ENTREP2: variants seen among roughly 807,000 people sequenced by gnomAD.
ENTREP2 encodes protein ENTREP2.
the ENTREP2 span, among the ~76,000 whole-genome samples, chr15:29,348,125 A>G: frequency 3.9e-5 from 6 of 152,178 alleles, no homozygotes; most frequent in Non-Finnish European, 8.8e-5. Flanking sequence ...AAAAACATCA[A>G]CTTTTAAGTG....
the ENTREP2 span, among the ~76,000 whole-genome samples, chr15:29,209,338 C>A: frequency 9.9e-5 from 15 of 152,020 alleles, no homozygotes; most frequent in African/African-American, 3.6e-4. Context: ...CCCGTCTCTA[C>A]TAAAAATACA....
At chr15:29,510,847 A>T in the ENTREP2 span, among the ~76,000 whole-genome samples, 2 of 151,990 alleles carry the variant, frequency 1.3e-5, no homozygotes, top group East Asian at 3.9e-4. Flanking sequence ...ACACCATGGA[A>T]TACTATGCAG....
the ENTREP2 span, among the ~76,000 whole-genome samples, chr15:29,145,492 G>A: frequency 1.3e-5 from 2 of 151,826 alleles, no homozygotes; most frequent in African/African-American, 2.4e-5. Context: ...GTGTGGTGGC[G>A]GGCGCCTGTA....
At chr15:29,284,169 A>T in the ENTREP2 span, among the ~76,000 whole-genome samples, 1 of 152,226 alleles carries the variant, frequency 6.6e-6, no homozygotes, top group Non-Finnish European at 1.5e-5. Flanking sequence ...AAAATGCTGA[A>T]TTTAGACACA....
At chr15:29,129,729 C>G in the ENTREP2 span, among the ~76,000 whole-genome samples, 1 of 152,206 alleles carries the variant, frequency 6.6e-6, no homozygotes, top group African/African-American at 2.4e-5. Flanking sequence ...CTCCTCTGCT[C>G]TCTGCCCCAT....
chr15:29,564,718 C>G, the ENTREP2 span, among the ~76,000 whole-genome samples: 1 of 152,250 alleles, frequency 6.6e-6, no homozygotes, highest in South Asian at 2.1e-4. Context: ...TCAATAGTTT[C>G]TTTCATTTCC....
chr15:29,569,128 G>T, the ENTREP2 span, among the ~76,000 whole-genome samples: 1 of 152,160 alleles, frequency 6.6e-6, no homozygotes, highest in African/African-American at 2.4e-5. Flanking sequence ...ATAGAGAGGG[G>T]CATTTAAATC....
chr15:29,191,241 T>A, the ENTREP2 span, among the ~76,000 whole-genome samples: 1 of 152,076 alleles, frequency 6.6e-6, no homozygotes, highest in Non-Finnish European at 1.5e-5. Context: ...GTATCTATAA[T>A]TATGGGAAGG....
chr15:29,329,698 A>C, the ENTREP2 span, among the ~76,000 whole-genome samples: 751 of 152,346 alleles, frequency 4.9e-3, 7 homozygotes, highest in African/African-American at 0.017. Flanking sequence ...GGTGCCAGAA[A>C]GTAAGAACGT....
chr15:29,400,981 C>T, the ENTREP2 span, among the ~76,000 whole-genome samples: 1 of 152,226 alleles, frequency 6.6e-6, no homozygotes, highest in Non-Finnish European at 1.5e-5. Flanking sequence ...CTACGTGCTA[C>T]CTCTTGCCCT....
chr15:29,414,944 A>G, the ENTREP2 span, among the ~76,000 whole-genome samples: 1 of 152,206 alleles, frequency 6.6e-6, no homozygotes, highest in South Asian at 2.1e-4. Context: ...CCAAGACTAA[A>G]CCAGGAAGAA....
the ENTREP2 span, among the ~76,000 whole-genome samples, chr15:29,480,615 G>T: frequency 6.6e-6 from 1 of 152,094 alleles, no homozygotes; most frequent in African/African-American, 2.4e-5. Context: ...GGCAGCATGG[G>T]GCCCACTCTC....
the ENTREP2 span, among the ~76,000 whole-genome samples, chr15:29,618,728 G>T: frequency 7.0e-6 from 1 of 141,916 alleles, no homozygotes; most frequent in South Asian, 2.2e-4. Context: ...GATGGGTGGT[G>T]GCTGCCAGCA....
the ENTREP2 span, chr15:29,569,489 G>A: frequency 1.3e-5 from 2 of 152,174 alleles, no homozygotes; most frequent in African/African-American, 4.8e-5. Flanking sequence ...TCTGTAGATG[G>A]AAGTAAAACA....
chr15:29,410,569 C>A, the ENTREP2 span, among the ~76,000 whole-genome samples: 1 of 152,184 alleles, frequency 6.6e-6, no homozygotes, highest in African/African-American at 2.4e-5. Flanking sequence ...CACACTTGGA[C>A]TAGCTATCCT....
At chr15:29,536,490 C>A in the ENTREP2 span, among the ~76,000 whole-genome samples, 1 of 151,760 alleles carries the variant, frequency 6.6e-6, no homozygotes. Context: ...TGTAATCCCA[C>A]CTACTCAGGA....
At chr15:29,241,110 T>C in the ENTREP2 span, among the ~76,000 whole-genome samples, 2 of 152,228 alleles carry the variant, frequency 1.3e-5, no homozygotes, top group African/African-American at 4.8e-5. Context: ...AATGAAGATT[T>C]TGTTTGTTTT....
chr15:29,207,455 C>CGGG, the ENTREP2 span, among the ~76,000 whole-genome samples: 158 of 123,044 alleles, frequency 1.3e-3, no homozygotes, highest in African/African-American at 5.0e-3. Context: ...GGTTGGGGGG[C>CGGG]GGGGGGGGTG....
the ENTREP2 span, among the ~76,000 whole-genome samples, chr15:29,444,170 C>CACAGAAAGAAAGAAAG: frequency 4.2e-5 from 3 of 71,486 alleles, 1 homozygote; most frequent in Admixed American, 3.2e-4. Flanking sequence ...GAAAGACAGA[C>CACAGAAAGAAAGAAAG]AAAGAAAGAA....
Sources: gnomAD v4.1 joint callset for allele counts (sites outside exome capture counted in the v4.1 genomes callset) on GRCh38, gnomAD v4.1.1 for gene constraint, MANE v1.5 for transcripts, NCBI Gene and HGNC (gene_info 2026-07-23, HGNC 2026-07-21) for gene names.